Variants in UBTD2 observed in about 807,000 individuals in gnomAD.
UBTD2 encodes the protein ubiquitin domain containing 2.
UBTD2 carries 9 observed loss-of-function variants against 19.8 expected under a neutral mutation model. The ratio of observed to expected loss-of-function variants is 0.46; its 90% CI spans 0.27 to 0.79. The LOEUF (loss-of-function observed/expected upper bound fraction) is 0.79. Ranked by LOEUF, UBTD2 falls within the 30% of genes least tolerant of loss-of-function variation. The pLI is 0.14. For synonymous variants in UBTD2, 98 were observed against 103.9 expected (o/e 0.94, Z 0.35); for missense variants, 250 against 300.4 (o/e 0.83, Z 1.24).
chr5:172,227,389 TAATC>T (rs1771791480), intron 2 of UBTD2, among the ~76,000 whole-genome samples: 1 of 152,172 alleles, frequency 6.6e-6, no homozygotes, highest in Non-Finnish European at 1.5e-5. Flanking sequence ...ATTTTATGGT[TAATC>T]AGTCATCAGA....
At position 172,213,975 on chromosome 5, in the gene UBTD2, G is replaced by A. The variant is rs139867646; in HGVS notation, c.308-1748C>T. On this transcript the variant is annotated intron_variant, in intron 2 of 2. Coordinates refer to ENST00000393792, the MANE Select transcript of UBTD2 (RefSeq NM_152277.3). ...CTAATTTTGTATTTTTAGTAGAGACGGGGTTTCTCCATGTTGGTCAGGCTG... is the reference window on the plus strand; with the variant it reads ...CTAATTTTGTATTTTTAGTAGAGACAGGGTTTCTCCATGTTGGTCAGGCTG... Among the ~76,000 whole-genome samples, 495 of 152,248 alleles carry A rather than the reference G, an allele frequency of 3.3e-3. 1 individual carries two copies. The highest frequency in any genetic ancestry group is 0.011 in the African/African-American group (471 of 41,554).
intron 2 of UBTD2, among the ~76,000 whole-genome samples, chr5:172,216,121 T>C (rs1286353361): frequency 2.0e-5 from 3 of 151,740 alleles, no homozygotes; most frequent in Non-Finnish European, 4.4e-5. Context: ...GAGCTGAGAT[T>C]GCGCCACTGC....
chr5:172,220,640 CA>C (rs150116978), intron 2 of UBTD2, among the ~76,000 whole-genome samples: 2 of 150,232 alleles, frequency 1.3e-5, no homozygotes, highest in Admixed American at 6.6e-5. Flanking sequence ...ACAAAAAAAC[CA>C]AAAAAAAACC....
intron 2 of UBTD2, among the ~76,000 whole-genome samples, chr5:172,219,778 A>C (rs1412989362): frequency 6.6e-6 from 1 of 152,220 alleles, no homozygotes; most frequent in East Asian, 1.9e-4. Flanking sequence ...TTCAAACCCC[A>C]ATAGTTAAAA....
chr5:172,252,310 G>C (rs974632473), intron 1 of UBTD2: 3 of 152,214 alleles, frequency 2.0e-5, no homozygotes, highest in Non-Finnish European at 4.4e-5. Flanking sequence ...GGATGGCACA[G>C]AAGTTGGCCT....
At chr5:172,220,738 A>G (rs1048547084) in intron 2 of UBTD2, among the ~76,000 whole-genome samples, 10 of 152,250 alleles carry the variant, frequency 6.6e-5, no homozygotes, top group Admixed American at 3.9e-4. Flanking sequence ...TCTCATCACC[A>G]CTTTTAAACA....
At chr5:172,283,816 G>A (rs909011148), upstream of UBTD2, 19 of 328,974 alleles carry the variant, frequency 5.8e-5, no homozygotes, top group Non-Finnish European at 8.5e-5. The surrounding 1 kb of genome is among the most constrained non-coding windows in gnomAD (Gnocchi z 4.3). Flanking sequence ...CCCCCTCGCC[G>A]CTCCACCCAC....
intron 2 of UBTD2, among the ~76,000 whole-genome samples, chr5:172,233,774 T>C (rs73802416): frequency 0.068 from 7,810 of 114,270 alleles, 693 homozygotes; most frequent in African/African-American, 0.23. Flanking sequence ...AAGTGGAAGC[T>C]CCAATAGATT....
intron 1 of UBTD2, among the ~76,000 whole-genome samples, chr5:172,253,639 A>G (rs1055583752): frequency 3.3e-5 from 5 of 152,012 alleles, no homozygotes; most frequent in African/African-American, 1.2e-4. Context: ...TTTTTAGTAC[A>G]GATGGGGTTT....
chr5:172,229,499 T>TA (rs1448657933), intron 2 of UBTD2, among the ~76,000 whole-genome samples: 1 of 36,202 alleles, frequency 2.8e-5, no homozygotes, highest in African/African-American at 1.7e-4. Flanking sequence ...AGACTCCGTC[T>TA]CAAAAAAAAA....
At chr5:172,263,660 G>A (rs941913712) in intron 1 of UBTD2, among the ~76,000 whole-genome samples, 12 of 152,080 alleles carry the variant, frequency 7.9e-5, no homozygotes, top group Admixed American at 2.6e-4. Context: ...CAGGCACGGT[G>A]GCGGGCGCCT....
intron 1 of UBTD2, among the ~76,000 whole-genome samples, chr5:172,275,327 GA>G (rs1457200009): frequency 6.6e-6 from 1 of 152,182 alleles, no homozygotes; most frequent in Admixed American, 6.5e-5. Context: ...GACACGTGGA[GA>G]TTATGAAAAC....
intron 1 of UBTD2, among the ~76,000 whole-genome samples, chr5:172,276,573 C>T (rs1755607366): frequency 6.6e-6 from 1 of 152,128 alleles, no homozygotes; most frequent in Admixed American, 6.5e-5. Flanking sequence ...ACAAACTGAG[C>T]TGGAGAATCA....
At chr5:172,227,117 A>C (rs1771783245) in intron 2 of UBTD2, among the ~76,000 whole-genome samples, 1 of 152,132 alleles carries the variant, frequency 6.6e-6, no homozygotes, top group South Asian at 2.1e-4. Context: ...AGTTGGTATA[A>C]CATACTCCCT....
intron 1 of UBTD2, among the ~76,000 whole-genome samples, chr5:172,257,455 T>C (rs1382272891): frequency 1.3e-5 from 2 of 152,232 alleles, no homozygotes; most frequent in Non-Finnish European, 2.9e-5. Flanking sequence ...TCCACACATA[T>C]GAGTCTTCAT....
rs1351945423 is a variant in UBTD2 at position 172,283,507 on chromosome 5, GC to G, written c.70+88del. 3.6e-5 allele frequency: 37 copies of G among 1,020,418 alleles called. No homozygotes were observed. Among genetic ancestry groups the G allele is most frequent in the Admixed American group, 8.8e-5 (2 of 22,726 alleles). The allele number at this position is 1,020,418 out of a possible 1,614,324, so 63.2% of individuals were successfully genotyped here. ...GAGGGGATGACAAAGGGGCGCGGGG[GC>G]CCGGCGCGGCCCGCGGGGGTCGGGA... On this transcript the variant is annotated intron_variant, in intron 1 of 2. Transcript: ENST00000393792. This position sits in a 1 kb window ranked among gnomAD's most constrained non-coding sequence, Gnocchi z 4.3.
chr5:172,255,792 A>G (rs1375058432), intron 1 of UBTD2, among the ~76,000 whole-genome samples: 4 of 152,068 alleles, frequency 2.6e-5, no homozygotes, highest in Non-Finnish European at 5.9e-5. Context: ...TTAACTTTTA[A>G]GATAGATGGC....
intron 1 of UBTD2, among the ~76,000 whole-genome samples, chr5:172,251,448 AT>A (rs1755016405): frequency 6.9e-6 from 1 of 145,744 alleles, no homozygotes; most frequent in African/African-American, 2.6e-5. Flanking sequence ...GCCCCAAGAC[AT>A]TATAATCAAA....
chr5:172,266,570 T>C (rs182786199), intron 1 of UBTD2, among the ~76,000 whole-genome samples: 4 of 152,276 alleles, frequency 2.6e-5, no homozygotes, highest in Non-Finnish European at 4.4e-5. Flanking sequence ...TCTGTTCCAA[T>C]TGGAGGTGAA....
Sources: allele counts gnomAD v4.1 joint callset (sites outside exome capture counted in the v4.1 genomes callset), GRCh38; gene constraint gnomAD v4.1.1; non-coding constraint Gnocchi (gnomAD v3.1); transcripts MANE v1.5; gene names NCBI Gene and HGNC (gene_info 2026-07-23, HGNC 2026-07-21).